The following MIB2 variants were observed in gnomAD, a reference collection of about 807,000 sequenced individuals.
MIB2 encodes MIB E3 ubiquitin protein ligase 2.
A neutral mutation model predicts 96.6 loss-of-function variants in MIB2; 78 were observed. That is an observed-to-expected ratio of 0.81 (90% CI 0.67 to 0.97). The LOEUF is 0.97. MIB2 is among the 50% of genes least tolerant of loss of function. The pLI, the probability that MIB2 is intolerant of heterozygous loss-of-function variation, is 0.00. For missense variants in MIB2, 1,543 were observed against 1,424.0 expected, an observed-to-expected ratio of 1.08 and a Z score of -1.35; for synonymous variants, 820 against 629.5, an observed-to-expected ratio of 1.30 and a Z score of -4.53.
Position 1,616,548 on chromosome 1 carries a change from T to C in MIB2, c.-89T>C, listed in dbSNP as rs1437467488. ...GAGGCTAGAGGCCAGTCCCAAAGTT[T>C]CCAGGCATCAGGGCTGCAGCCCAGG... On this transcript the variant is annotated 5_prime_UTR_variant, in exon 2 of 20. Coordinates refer to ENST00000355826, the MANE Select transcript of MIB2 (RefSeq NM_001170687.4). 1 of 1,602,662 alleles carries C rather than the reference T, an allele frequency of 6.2e-7. No individual in the cohort carries two copies. Among genetic ancestry groups the C allele is most frequent in the South Asian group, 1.1e-5 (1 of 89,598 alleles).
At chr1:1,622,556 G>T (rs913382303) in intron 2 of MIB2, among the ~76,000 whole-genome samples, 1 of 152,202 alleles carries the variant, frequency 6.6e-6, no homozygotes, top group Non-Finnish European at 1.5e-5. Flanking sequence ...CGCCTGGCAT[G>T]GCGTTTGCAC....
chr1:1,630,411 A>G lies in MIB2; in HGVS notation c.2749A>G (p.Ser917Gly). The stretch of plus-strand genomic sequence containing the variant: ...CATCACCTGCCCCATCTGCATCGAC[A>G]GCCACATCCGCCTCGTGTTCCAGTG... ...ERITCPICID[S>G]HIRLVFQCGH... Residue 917 changes from serine to glycine, a missense_variant, in exon 20 of 20, where the codon AGC (serine) becomes GGC (glycine). Physicochemically the swap from Ser to Gly is moderately conservative, Grantham distance 56. Transcript: ENST00000355826. The G allele has an allele frequency of 1.9e-6, 3 of 1,578,448 alleles. No homozygotes were observed. Among genetic ancestry groups the G allele is most frequent in the Non-Finnish European group, 2.6e-6 (3 of 1,164,454 alleles).
At chr1:1,630,253 A>C (rs1435448804) in intron 19 of MIB2, 39 bp from the exon 20 acceptor site, 135 of 260,974 alleles carry the variant, frequency 5.2e-4, no homozygotes, top group South Asian at 1.4e-3. Context: ...GCATTCCCCC[A>C]CCCGGCCTCC....
intron 2 of MIB2, among the ~76,000 whole-genome samples, chr1:1,622,598 C>G (rs751502666): frequency 1.3e-5 from 2 of 152,254 alleles, no homozygotes; most frequent in Non-Finnish European, 2.9e-5. Flanking sequence ...CTGGTGAGCT[C>G]TGGCTTGTGC....
In MIB2 at chr1:1,627,294, A is replaced by G; in HGVS notation, c.1375-2A>G. On this transcript the variant is annotated splice_acceptor_variant, in intron 11 of 19. Transcript: ENST00000355826. LOFTEE classifies it high-confidence loss of function. ...GGACTCACCTGCTGGCACTCTTGGC[A>G]GGTGGACACCAAGAACCAAGGCAGG... The G allele has an allele frequency of 1.2e-6, 2 of 1,613,232 alleles. No individual in the cohort carries two copies. Among genetic ancestry groups the G allele is most frequent in the Non-Finnish European group, 1.7e-6 (2 of 1,179,954 alleles).
rs546001947 is a variant in MIB2, at chr1:1,625,774, C to T, written c.972+121C>T. ...CAGCTGCACCCACGAGTCCCCAGCCCTGAAGGAAGGGGAGGGACTGGTGGG... is the reference window on the plus strand; with the variant it reads ...CAGCTGCACCCACGAGTCCCCAGCCTTGAAGGAAGGGGAGGGACTGGTGGG... On this transcript the variant is annotated intron_variant, in intron 8 of 19. Transcript: ENST00000355826. This position sits in a 1 kb window ranked among gnomAD's most constrained non-coding sequence, Gnocchi z 5.0. 5 of 793,696 alleles carry T rather than the reference C, an allele frequency of 6.3e-6. No homozygotes were observed. 49.2% of individuals were successfully genotyped at this position (793,696 alleles called of 1,614,324 possible).
Position 1,629,225 on chromosome 1 carries a change from C to T in MIB2, c.2295C>T (p.Tyr765=), listed in dbSNP as rs767379701. ...FLALEGADVS[Y]TNHRGRSPLD... ...CGCTGGAGGGCGCCGACGTGAGCTACACCAACCACCGCGGTCGGAGCCCGC... is the reference window on the plus strand; with the variant it reads ...CGCTGGAGGGCGCCGACGTGAGCTATACCAACCACCGCGGTCGGAGCCCGC... Residue 765 remains tyrosine (Y), a synonymous_variant, in exon 17 of 20, where the codon TAC becomes TAT. Transcript: ENST00000355826. The T allele has an allele frequency of 6.5e-7, 1 of 1,542,696 alleles. No individual in the cohort carries two copies. The highest frequency in any genetic ancestry group is 8.7e-7 in the Non-Finnish European group (1 of 1,154,970).
In MIB2 at chr1:1,625,584, C is replaced by G. The variant is rs754817080; in HGVS notation, c.903C>G (p.Asp301Glu). 6.3e-7 allele frequency: 1 copy of G among 1,584,988 alleles called. No individual in the cohort carries two copies. The highest frequency in any genetic ancestry group is 8.6e-7 in the Non-Finnish European group (1 of 1,166,314). Residue 301 changes from aspartate (D) to glutamate (E), a missense_variant, in exon 8 of 20, where the codon GAC (aspartate) becomes GAG (glutamate). Transcript: ENST00000355826. This position sits in a 1 kb window ranked among gnomAD's most constrained non-coding sequence, Gnocchi z 5.0. The part of the protein sequence containing the change: ...GQTGTVHRIT[D>E]RGDVRVQFNH... ...CGGGCACCGTGCATCGTATCACGGACCGCGGGGACGTGCGCGTGCAGTTCA... is the reference window on the plus strand; with the variant it reads ...CGGGCACCGTGCATCGTATCACGGAGCGCGGGGACGTGCGCGTGCAGTTCA...
upstream of MIB2, chr1:1,615,425 C>G (rs758421726): frequency 6.7e-7 from 1 of 1,486,742 alleles, no homozygotes. Context: ...ACTTCCGGTG[C>G]TTGCCCTGCC....
chr1:1,625,681 T>C lies in MIB2; in HGVS notation c.972+28T>C, dbSNP rs1437371489. ...GCCGGGGGGGCTGGGCTGCGCCTCA[T>C]CTGCTTGCTTCTGTAACCCCTTCCA... On this transcript the variant is annotated intron_variant, in intron 8 of 19. Coordinates refer to ENST00000355826, the MANE Select transcript of MIB2 (RefSeq NM_001170687.4). The surrounding 1 kb of genome is among the most constrained non-coding windows in gnomAD (Gnocchi z 5.0). 6.6e-7 allele frequency: 1 copy of C among 1,526,088 alleles called. No homozygotes were observed. The highest frequency in any genetic ancestry group is 1.4e-5 in the African/African-American group (1 of 72,470). 94.5% of individuals were successfully genotyped at this position (1,526,088 alleles called of 1,614,324 possible).
Position 1,625,382 on chromosome 1 carries a change from G to T in MIB2, c.818G>T (p.Arg273Leu). 1 of 1,588,412 alleles carries T rather than the reference G, an allele frequency of 6.3e-7. No homozygotes were observed. Among genetic ancestry groups the T allele is most frequent in the South Asian group, 1.1e-5 (1 of 88,112 alleles). ...TGTCTGCTGGACACTGATGTCCTGC[G>T]GGAGATGCAGGAAGGCCACGGCGGC... Reference protein sequence around the residue: ...VKCLLDTDVLREMQEGHGGWN... With the variant: ...VKCLLDTDVLLEMQEGHGGWN... Residue 273 changes from arginine to leucine, a missense_variant, in exon 7 of 20, where the codon CGG (arginine) becomes CTG (leucine). Physicochemically the swap from Arg to Leu is moderately radical, Grantham distance 102. Coordinates refer to ENST00000355826, the MANE Select transcript of MIB2 (RefSeq NM_001170687.4). The surrounding 1 kb of genome is among the most constrained non-coding windows in gnomAD (Gnocchi z 5.0).
Position 1,626,622 on chromosome 1 carries a change from G to T in MIB2, c.973-28G>T, listed in dbSNP as rs1644791762. Reference sequence around the variant, plus strand: ...CTGGGCAGCCACACACAGCTGGGGGGCCCCTCACGCCCCTCTTTGTCGCTC... The same window carrying T: ...CTGGGCAGCCACACACAGCTGGGGGTCCCCTCACGCCCCTCTTTGTCGCTC... On this transcript the variant is annotated intron_variant, in intron 8 of 19. Coordinates refer to ENST00000355826, the MANE Select transcript of MIB2 (RefSeq NM_001170687.4). The surrounding 1 kb of genome is among the most constrained non-coding windows in gnomAD (Gnocchi z 5.3). 6.6e-7 allele frequency: 1 copy of T among 1,509,812 alleles called. No individual in the cohort carries two copies. Among genetic ancestry groups the T allele is most frequent in the Non-Finnish European group, 8.9e-7 (1 of 1,129,296 alleles). 93.5% of individuals were successfully genotyped at this position (1,509,812 alleles called of 1,614,324 possible). A position where few individuals can be genotyped will look rare whatever the true frequency, so the allele number is the denominator to read the frequency against.
At position 1,626,923 on chromosome 1, in the gene MIB2, C is replaced by G. The variant is rs1319726696; in HGVS notation, c.1164C>G (p.Ser388Arg). The change falls in exon 10 of 20, where the codon AGC (serine) becomes AGG (arginine). Residue 388 changes from serine to arginine, a missense_variant. Physicochemically the swap from Ser to Arg is moderately radical, Grantham distance 110. Transcript: ENST00000355826. The surrounding 1 kb of genome is among the most constrained non-coding windows in gnomAD (Gnocchi z 5.3). ...TCGCTGGTCAGCGGTGGACCTTCAG[C>G]CCCTCCTGCCTGGTGGCCTACCGGC... ...VAVAGQRWTFSPSCLVAYRPE... is the reference protein window; with the variant it reads ...VAVAGQRWTFRPSCLVAYRPE... 1.2e-5 allele frequency: 20 copies of G among 1,609,718 alleles called. No individual in the cohort carries two copies. Among genetic ancestry groups the G allele is most frequent in the Non-Finnish European group, 1.6e-5 (19 of 1,179,464 alleles).
rs1255037150 is a variant in MIB2, at chr1:1,628,558, C to T, written c.2038C>T (p.His680Tyr). The T allele has an allele frequency of 1.9e-6, 3 of 1,601,574 alleles. No individual in the cohort carries two copies. The highest frequency in any genetic ancestry group is 2.5e-6 in the Non-Finnish European group (3 of 1,178,708). ...GCTGCATCTCGCCGTGCAACAGGCC[C>T]ACGTGGGGCTGGTGCCGCTACTGGT... ...SPLHLAVQQA[H>Y]VGLVPLLVDA... Residue 680 changes from histidine (H) to tyrosine (Y), a missense_variant, in exon 16 of 20, where the codon CAC becomes TAC. Transcript: ENST00000355826.
chr1:1,629,484 C>A lies in MIB2; in HGVS notation c.2481C>A (p.Pro827=). Reference sequence around the variant, plus strand: ...TGCACGTGGGCGCCGCGCCGGGGCCCGAGGCCGCTGAGTGCCTGGTGTGCT... The same window carrying A: ...TGCACGTGGGCGCCGCGCCGGGGCCAGAGGCCGCTGAGTGCCTGGTGTGCT... The part of the protein sequence containing the change: ...TNLHVGAAPG[P]EAAECLVCSE... Residue 827 remains proline, a synonymous_variant, in exon 18 of 20, where the codon CCC becomes CCA. Transcript: ENST00000355826. 2.0e-6 allele frequency: 3 copies of A among 1,532,990 alleles called. No homozygotes were observed. Among genetic ancestry groups the A allele is most frequent in the Non-Finnish European group, 2.6e-6 (3 of 1,145,414 alleles). 95.0% of individuals were successfully genotyped at this position (1,532,990 alleles called of 1,614,324 possible).
upstream of MIB2, chr1:1,615,277 C>A: frequency 8.0e-7 from 1 of 1,254,714 alleles, no homozygotes; most frequent in Non-Finnish European, 1.0e-6. Flanking sequence ...GCGAGCGCGA[C>A]GTCGCTCCCA....
At chr1:1,615,200 C>A (rs1643472991), upstream of MIB2, 2 of 597,902 alleles carry the variant, frequency 3.3e-6, no homozygotes, top group East Asian at 3.7e-5. Flanking sequence ...CTCAAAACCC[C>A]GGATAGGGCC....
At chr1:1,619,838 C>T (rs967365080) in intron 2 of MIB2, among the ~76,000 whole-genome samples, 3 of 152,214 alleles carry the variant, frequency 2.0e-5, no homozygotes, top group African/African-American at 7.2e-5. Flanking sequence ...CTCAGGTGGG[C>T]TTCCATGAGG....
At chr1:1,623,188 C>G (rs1644416817) in intron 2 of MIB2, 1 of 603,346 alleles carries the variant, frequency 1.7e-6, no homozygotes, top group Non-Finnish European at 2.7e-6. Context: ...ATCCCTGGGC[C>G]CAGACCACCC....
Sources: gnomAD v4.1 joint callset for allele counts (sites outside exome capture counted in the v4.1 genomes callset) on GRCh38, gnomAD v4.1.1 for gene constraint, Gnocchi (gnomAD v3.1) non-coding constraint, MANE v1.5 for transcripts, NCBI Gene and HGNC (gene_info 2026-07-23, HGNC 2026-07-21) for gene names.